Variants in PSD3 observed in about 807,000 individuals in gnomAD.
PSD3 encodes PH and SEC7 domain-containing protein 3.
A neutral mutation model predicts 105.5 loss-of-function variants in PSD3; 49 were observed. That is an observed-to-expected ratio of 0.46 (90% CI 0.37 to 0.59). The LOEUF (loss-of-function observed/expected upper bound fraction) is 0.59, where lower values mean the gene tolerates loss of function less well. Among genes scored for constraint, PSD3 ranks in the 20% least tolerant of loss-of-function variants. The probability of loss-of-function intolerance (pLI) is 0.00; values close to 1 mark genes in which losing one functional copy is unlikely to be tolerated. For missense variants in PSD3, 1,561 were observed against 1,263.8 expected, an observed-to-expected ratio of 1.24 and a Z score of -3.57; for synonymous variants, 557 against 457.8, an observed-to-expected ratio of 1.22 and a Z score of -2.77.
intron 4 of PSD3, among the ~76,000 whole-genome samples, chr8:18,837,749 G>A (rs763278145): frequency 7.2e-5 from 11 of 152,086 alleles, no homozygotes; most frequent in African/African-American, 2.4e-4. Context: ...AACCAGCCTG[G>A]GCAAGATGAC....
rs147108582 is a variant in PSD3, at chr8:19,011,974, G to A, written c.21+1589C>T. Reference sequence around the variant, plus strand: ...TAATGCATAAAACGTGTCTAGGCATGGAAATATCAAATGGTAGGGCTAGAA... The same window carrying A: ...TAATGCATAAAACGTGTCTAGGCATAGAAATATCAAATGGTAGGGCTAGAA... On this transcript the variant is annotated intron_variant, in intron 1 of 15. Transcript: ENST00000327040. Among the ~76,000 whole-genome samples the A allele has an allele frequency of 8.2e-3, 1,253 of 152,294 alleles. 11 individuals are homozygous for A. Among genetic ancestry groups the A allele is most frequent in the Non-Finnish European group, 0.014 (965 of 68,026 alleles).
intron 8 of PSD3, among the ~76,000 whole-genome samples, chr8:18,793,785 G>A (rs138148097): frequency 3.3e-5 from 5 of 152,306 alleles, no homozygotes; most frequent in African/African-American, 7.2e-5. Context: ...CCTGCAGGAC[G>A]ATGAGAGGAT....
chr8:18,617,845 T>C (rs568063285), intron 11 of PSD3, among the ~76,000 whole-genome samples: 4 of 152,194 alleles, frequency 2.6e-5, no homozygotes, highest in African/African-American at 4.8e-5. Context: ...ACATGATGGA[T>C]AGCAGGTCCT....
At chr8:18,700,597 T>C (rs1585659320) in intron 9 of PSD3, among the ~76,000 whole-genome samples, 2 of 152,202 alleles carry the variant, frequency 1.3e-5, no homozygotes, top group South Asian at 2.1e-4. Context: ...TTAGCAGACA[T>C]ACTGGGGGAA....
Position 18,871,904 on chromosome 8 carries a change from T to C in PSD3, c.960A>G (p.Ile320Met), listed in dbSNP as rs1213340950. ...TTCTTTGCAGTGATGTCTCAAAATCTATAGGATGCTGGGTCTCTCTCTTGT... is the reference window on the plus strand; with the variant it reads ...TTCTTTGCAGTGATGTCTCAAAATCCATAGGATGCTGGGTCTCTCTCTTGT... The part of the protein sequence containing the change: ...GGDKRETQHP[I>M]DFETSLQRTA... Residue 320 changes from isoleucine (I) to methionine (M), a missense_variant, in exon 3 of 16, where the codon ATA becomes ATG. Physicochemically the swap from Ile to Met is conservative, Grantham distance 10. Transcript: ENST00000327040. 2 of 1,614,236 alleles carry C rather than the reference T, an allele frequency of 1.2e-6. No individual in the cohort carries two copies. Among genetic ancestry groups the C allele is most frequent in the Admixed American group, 3.3e-5 (2 of 60,034 alleles).
intron 12 of PSD3, among the ~76,000 whole-genome samples, chr8:18,579,805 T>G (rs1203158754): frequency 6.6e-6 from 1 of 152,170 alleles, no homozygotes; most frequent in African/African-American, 2.4e-5. Flanking sequence ...AAAAGCATAT[T>G]AAAGACTCCA....
chr8:19,015,043 G>C (rs1827132436), upstream of PSD3, among the ~76,000 whole-genome samples: 1 of 152,200 alleles, frequency 6.6e-6, no homozygotes, highest in African/African-American at 2.4e-5. Flanking sequence ...TGGTTTGGCT[G>C]TATCCCCACC....
chr8:18,969,949 G>A (rs930976944), intron 1 of PSD3, among the ~76,000 whole-genome samples: 1 of 152,122 alleles, frequency 6.6e-6, no homozygotes, highest in African/African-American at 2.4e-5. Context: ...AAAAGTTTAT[G>A]TATATTCCTG....
At chr8:18,765,330 C>T (rs1041805768) in intron 9 of PSD3, 119 bp downstream of exon 9, 11 of 836,360 alleles carry the variant, frequency 1.3e-5, no homozygotes, top group Non-Finnish European at 1.8e-5. Context: ...GAAACATCAC[C>T]AATAAAACCA....
intron 15 of PSD3, among the ~76,000 whole-genome samples, chr8:18,537,194 C>G (rs1799894178): frequency 6.6e-6 from 1 of 152,192 alleles, no homozygotes; most frequent in Non-Finnish European, 1.5e-5. Context: ...TGAGTACCAA[C>G]AGCTTAACAC....
At chr8:18,740,282 T>C (rs1165688778) in intron 9 of PSD3, among the ~76,000 whole-genome samples, 1 of 152,230 alleles carries the variant, frequency 6.6e-6, no homozygotes, top group East Asian at 1.9e-4. Flanking sequence ...CACTGCTTTA[T>C]GAGCACTAAA....
intron 15 of PSD3, among the ~76,000 whole-genome samples, chr8:18,546,679 A>T (rs1396893488): frequency 2.0e-5 from 3 of 152,214 alleles, no homozygotes; most frequent in Non-Finnish European, 4.4e-5. Flanking sequence ...TTTGAAGTAC[A>T]TAATACATTA....
At position 18,572,745 on chromosome 8, in the gene PSD3, T is replaced by A. The variant is rs1002426114; in HGVS notation, c.2640-73A>T. On this transcript the variant is annotated intron_variant, in intron 13 of 15. Coordinates refer to ENST00000327040, the MANE Select transcript of PSD3 (RefSeq NM_015310.4). ...AGCATCACACTTTGCCTATTTCACG[T>A]TACTGATTTGCAATGGCATGTGAAA... 3 of 1,521,436 alleles carry A rather than the reference T, an allele frequency of 2.0e-6. No homozygotes were observed. In the African/African-American group the frequency reaches 4.1e-5, roughly 21 times the overall value. The allele number at this position is 1,521,436 out of a possible 1,614,324, so 94.2% of individuals were successfully genotyped here. A position where few individuals can be genotyped will look rare whatever the true frequency, so the allele number is the denominator to read the frequency against.
chr8:19,018,048 C>G (rs1270630944), upstream of PSD3, among the ~76,000 whole-genome samples: 2 of 152,164 alleles, frequency 1.3e-5, no homozygotes, highest in Non-Finnish European at 2.9e-5. Flanking sequence ...TTCTCCACAT[C>G]CTCACCCACA....
In PSD3 at chr8:18,872,708, G is replaced by A; in HGVS notation, c.156C>T (p.Leu52=). 10 of 1,570,416 alleles carry A rather than the reference G, an allele frequency of 6.4e-6. No homozygotes were observed. The highest frequency in any genetic ancestry group is 1.2e-5 in the South Asian group (1 of 82,616). The change falls in exon 3 of 16, where the codon CTC becomes CTT. Residue 52 remains leucine (L), a synonymous_variant. Coordinates refer to ENST00000327040, the MANE Select transcript of PSD3 (RefSeq NM_015310.4). ...DTSDHGGSTL[L]PPNVTNEFPE... is the part of the protein sequence containing the mutation. ...GAAATTCATTTGTGACATTTGGTGG[G>A]AGTAAAGTGCTTCCTCCATGATCAC... is the stretch of plus-strand genomic sequence containing the variant.
At chr8:18,567,943 G>A (rs887266250) in intron 14 of PSD3, among the ~76,000 whole-genome samples, 9 of 152,178 alleles carry the variant, frequency 5.9e-5, no homozygotes, top group African/African-American at 2.2e-4. Context: ...TTGATGCCAC[G>A]CTTATGATAA....
chr8:18,960,302 C>T lies in PSD3; in HGVS notation c.22-24160G>A, dbSNP rs567630337. Among the ~76,000 whole-genome samples the T allele has an allele frequency of 3.9e-4, 60 of 152,172 alleles. No homozygotes were observed. The South Asian group carries it at 0.012, about 30-fold the overall frequency. On this transcript the variant is annotated intron_variant, in intron 1 of 15. Coordinates refer to ENST00000327040, the MANE Select transcript of PSD3 (RefSeq NM_015310.4). ...TAAGAAGGAATCTTAAGAAAGAGAA[C>T]GCATGACCAAAGAAGTGTCTTCTGA... is the stretch of plus-strand genomic sequence containing the variant.
At chr8:18,842,000 A>C (rs1407110733) in intron 4 of PSD3, among the ~76,000 whole-genome samples, 1 of 152,214 alleles carries the variant, frequency 6.6e-6, no homozygotes, top group Non-Finnish European at 1.5e-5. Flanking sequence ...TCACAGGAGC[A>C]GAAAGGCAGT....
chr8:18,979,922 C>A (rs1361352443), intron 1 of PSD3: 1 of 152,184 alleles, frequency 6.6e-6, no homozygotes, highest in Non-Finnish European at 1.5e-5. Context: ...AAAGGTGGAA[C>A]AGTATCCTTC....
Sources: allele counts gnomAD v4.1 joint callset (sites outside exome capture counted in the v4.1 genomes callset), GRCh38; gene constraint gnomAD v4.1.1; transcripts MANE v1.5; gene names NCBI Gene and HGNC (gene_info 2026-07-23, HGNC 2026-07-21).